MYB: variants seen among roughly 807,000 people sequenced by gnomAD.
The protein encoded by MYB is MYB proto-oncogene, transcription factor.
In MYB, 28 loss-of-function variants were observed where a neutral mutation model predicts 92.9. That is an observed-to-expected ratio of 0.30 (90% CI 0.22 to 0.41). MYB has a LOEUF of 0.41. Among genes scored for constraint, MYB ranks in the 10% least tolerant of loss-of-function variants. The probability of loss-of-function intolerance (pLI) is 1.00; values close to 1 mark genes in which losing one functional copy is unlikely to be tolerated. For synonymous variants in MYB, 295 were observed against 329.1 expected, an observed-to-expected ratio of 0.90 and a Z score of 1.12; for missense variants, 679 against 929.3, an observed-to-expected ratio of 0.73 and a Z score of 3.50.
Position 135,218,030 on chromosome 6 carries a change from G to C in MYB, c.*50G>C, listed in dbSNP as rs1480356922. On this transcript the variant is annotated 3_prime_UTR_variant, in exon 16 of 16. Coordinates refer to ENST00000341911, the MANE Select transcript of MYB (RefSeq NM_001130173.2). ...TTTTCAGAACACTTCAAGTTGACTT[G>C]GGATATATCATTCCTCAACATGAAA... is the stretch of plus-strand genomic sequence containing the variant. The C allele has an allele frequency of 1.4e-6, 2 of 1,386,142 alleles. No individual in the cohort carries two copies. Among genetic ancestry groups the C allele is most frequent in the African/African-American group, 2.9e-5 (2 of 70,060 alleles). 85.9% of individuals were successfully genotyped at this position (1,386,142 alleles called of 1,614,324 possible).
intron 15 of MYB, among the ~76,000 whole-genome samples, chr6:135,214,448 C>T (rs1780160526): frequency 1.3e-5 from 2 of 152,034 alleles, no homozygotes; most frequent in Admixed American, 1.3e-4. Context: ...CCTTCATTCC[C>T]CTTCCCCTCC....
In MYB at chr6:135,200,101, A is replaced by G. The variant is rs779796852; in HGVS notation, c.1726A>G (p.Ile576Val). The change falls in exon 12 of 16, where the codon ATC becomes GTC. Residue 576 changes from isoleucine (I) to valine (V), a missense_variant. Physicochemically the swap from Ile to Val is conservative, Grantham distance 29 (BLOSUM62 3). Transcript: ENST00000341911. ...KENTVFRTPAIKRSILESSPR... is the reference protein window; with the variant it reads ...KENTVFRTPAVKRSILESSPR... ...TTTTTAAAGTTTTAGAACCCCAGCT[A>G]TCAAAAGGTCAATCTTAGAAAGCTC... is the stretch of plus-strand genomic sequence containing the variant. 1.4e-5 allele frequency: 23 copies of G among 1,613,852 alleles called. No homozygotes were observed. Among genetic ancestry groups the G allele is most frequent in the African/African-American group, 2.7e-5 (2 of 74,938 alleles).
chr6:135,185,875 C>A, intron 1 of MYB, 28 bp from the exon 2 acceptor site: 1 of 1,558,006 alleles, frequency 6.4e-7, no homozygotes, highest in Non-Finnish European at 8.9e-7. Flanking sequence ...TTGTTTCAGC[C>A]CACGTCTACC....
chr6:135,206,033 G>A (rs1169392188), intron 15 of MYB, among the ~76,000 whole-genome samples: 1 of 151,598 alleles, frequency 6.6e-6, no homozygotes, highest in Non-Finnish European at 1.5e-5. Context: ...GTGAAACCCC[G>A]TCTCTACTAA....
At chr6:135,211,718 G>A (rs2128318471) in intron 15 of MYB, among the ~76,000 whole-genome samples, 1 of 152,300 alleles carries the variant, frequency 6.6e-6, no homozygotes, top group Admixed American at 6.5e-5. Flanking sequence ...CCAAATTTGG[G>A]AAAGGTCCAT....
intron 3 of MYB, among the ~76,000 whole-genome samples, chr6:135,188,992 C>T (rs1161824259): frequency 6.6e-6 from 1 of 152,188 alleles, no homozygotes; most frequent in Admixed American, 6.5e-5. Context: ...AGTTCTGTTT[C>T]CTGCTTCCTC....
At chr6:135,207,350 G>A (rs9483800) in intron 15 of MYB, among the ~76,000 whole-genome samples, 9,377 of 152,244 alleles carry the variant, frequency 0.062, 958 homozygotes, top group African/African-American at 0.21. Context: ...TGCAACTGGT[G>A]TAATGCAGTT....
Position 135,190,376 on chromosome 6 carries a change from C to T in MYB, c.527+29C>T, listed in dbSNP as rs376573839. ...ATAATATGTCAAAAAATATATTGAT[C>T]GGGAAGAATGAGGGAGTGGGTATTG... is the stretch of plus-strand genomic sequence containing the variant. On this transcript the variant is annotated intron_variant, in intron 5 of 15. Coordinates refer to ENST00000341911, the MANE Select transcript of MYB (RefSeq NM_001130173.2). This position sits in a 1 kb window ranked among gnomAD's most constrained non-coding sequence, Gnocchi z 4.5. The T allele has an allele frequency of 3.4e-5, 53 of 1,558,554 alleles. No individual in the cohort carries two copies. The highest frequency in any genetic ancestry group is 3.4e-4 in the Middle Eastern group (2 of 5,960).
chr6:135,194,740 T>A, intron 8 of MYB: 1 of 587,400 alleles, frequency 1.7e-6, no homozygotes, highest in Non-Finnish European at 2.9e-6. Flanking sequence ...GTTTAAAGAC[T>A]AGCAAAGATA....
chr6:135,186,290 C>T (rs1186972789), intron 2 of MYB, among the ~76,000 whole-genome samples: 1 of 152,208 alleles, frequency 6.6e-6, no homozygotes, highest in Non-Finnish European at 1.5e-5. Context: ...TGTCCCACCT[C>T]TTCTTCCTAC....
intron 15 of MYB, among the ~76,000 whole-genome samples, chr6:135,206,127 A>AC (rs1000191892): frequency 2.1e-5 from 3 of 145,124 alleles, no homozygotes; most frequent in African/African-American, 5.1e-5. Flanking sequence ...AATGGCATGA[A>AC]CCCAGGAGGC....
rs181761387 is a variant in MYB at position 135,204,257 on chromosome 6, C to T, written c.2169+933C>T. ...AATTGTGAGAATCTGAAAACTTGCC[C>T]GGTAAGTATTTGTGATGCTTAGTTT... On this transcript the variant is annotated intron_variant, in intron 15 of 15. Transcript: ENST00000341911. 6.6e-5 allele frequency among the ~76,000 whole-genome samples: 10 copies of T among 152,272 alleles called. No individual in the cohort carries two copies. The East Asian group carries it at 9.7e-4, about 15-fold the overall frequency.
At chr6:135,204,129 A>G (rs1411494408) in intron 15 of MYB, among the ~76,000 whole-genome samples, 1 of 152,156 alleles carries the variant, frequency 6.6e-6, no homozygotes, top group Admixed American at 6.5e-5. Flanking sequence ...TGAAGGTCAT[A>G]TTTCTTGCTG....
intron 15 of MYB, 64 bp downstream of exon 15, chr6:135,203,388 G>A (rs981730105): frequency 8.8e-6 from 11 of 1,243,986 alleles, no homozygotes; most frequent in South Asian, 2.5e-5. Context: ...ATCTTTGGTG[G>A]TGGTGGTGGT....
At chr6:135,191,420 G>A (rs1464001689) in intron 5 of MYB, among the ~76,000 whole-genome samples, 1 of 152,136 alleles carries the variant, frequency 6.6e-6, no homozygotes, top group African/African-American at 2.4e-5. Flanking sequence ...CATAATCCAG[G>A]AGAAAGTTTA....
Position 135,182,290 on chromosome 6 carries a change from G to A in MYB, c.23+754G>A, listed in dbSNP as rs1379781940. On this transcript the variant is annotated intron_variant, in intron 1 of 15. Transcript: ENST00000341911. The surrounding 1 kb of genome is among the most constrained non-coding windows in gnomAD (Gnocchi z 5.6). ...TTCACATTTTTGGCCGGACAGATGGGAAGAGGGAGAGGAGGAGGAGGAGGG... is the reference window on the plus strand; with the variant it reads ...TTCACATTTTTGGCCGGACAGATGGAAAGAGGGAGAGGAGGAGGAGGAGGG... Among the ~76,000 whole-genome samples the A allele has an allele frequency of 1.3e-5, 2 of 152,224 alleles. No individual in the cohort carries two copies. The highest frequency in any genetic ancestry group is 2.9e-5 in the Non-Finnish European group (2 of 68,042).
Position 135,181,779 on chromosome 6 carries a change from C to A in MYB, c.23+243C>A, listed in dbSNP as rs919566143. ...GCCCTGCGGCTCATTTTGCAAGTTG[C>A]ATGGGGATACATTTTTCTTTAGGGG... On this transcript the variant is annotated intron_variant, in intron 1 of 15. Coordinates refer to ENST00000341911, the MANE Select transcript of MYB (RefSeq NM_001130173.2). This position sits in a 1 kb window ranked among gnomAD's most constrained non-coding sequence, Gnocchi z 5.3. Among the ~76,000 whole-genome samples the A allele has an allele frequency of 6.6e-6, 1 of 152,206 alleles. No homozygotes were observed. The highest frequency in any genetic ancestry group is 2.4e-5 in the African/African-American group (1 of 41,452).
Position 135,190,471 on chromosome 6 carries a change from C to A in MYB, c.527+124C>A. ...GTCGTAAGTGTTTTATTAGATAAAC[C>A]AGCTACATAGCTTTTAGAGATTGAA... On this transcript the variant is annotated intron_variant, in intron 5 of 15. Coordinates refer to ENST00000341911, the MANE Select transcript of MYB (RefSeq NM_001130173.2). This position sits in a 1 kb window ranked among gnomAD's most constrained non-coding sequence, Gnocchi z 4.5. 1 of 756,320 alleles carries A rather than the reference C, an allele frequency of 1.3e-6. No individual in the cohort carries two copies. Among genetic ancestry groups the A allele is most frequent in the Non-Finnish European group, 2.1e-6 (1 of 465,142 alleles). The allele number at this position is 756,320 out of a possible 1,614,324, so 46.9% of individuals were successfully genotyped here.
chr6:135,198,787 CTTTATTA>C, intron 10 of MYB, 114 bp from the exon 11 acceptor site: 1 of 745,924 alleles, frequency 1.3e-6, no homozygotes, highest in Non-Finnish European at 2.1e-6. Flanking sequence ...TTGTTAGCAT[CTTTATTA>C]TTTAATATAG....
Sources: gnomAD v4.1 joint callset for allele counts (sites outside exome capture counted in the v4.1 genomes callset) on GRCh38, gnomAD v4.1.1 for gene constraint, Gnocchi (gnomAD v3.1) non-coding constraint, MANE v1.5 for transcripts, NCBI Gene and HGNC (gene_info 2026-07-23, HGNC 2026-07-21) for gene names.